The following NXPE4 variants were observed in gnomAD, a reference collection of about 807,000 sequenced individuals.
NXPE4 encodes the protein NXPE family member 4.
A neutral mutation model predicts 33.3 loss-of-function variants in NXPE4; 42 were observed. That is an observed-to-expected ratio of 1.26 (90% CI 0.98 to 1.63). The LOEUF (loss-of-function observed/expected upper bound fraction) is 1.63. Ranked by LOEUF, NXPE4 falls within the 40% of genes most tolerant of loss-of-function variation. NXPE4 has a pLI of 0.00. For missense variants in NXPE4, 709 were observed against 647.6 expected, an observed-to-expected ratio of 1.09 and a Z score of -1.03; for synonymous variants, 253 against 234.9, an observed-to-expected ratio of 1.08 and a Z score of -0.71.
the NXPE4 span, among the ~76,000 whole-genome samples, chr11:114,648,619 G>T: frequency 6.6e-6 from 1 of 152,068 alleles, no homozygotes; most frequent in East Asian, 1.9e-4. Context: ...ATTAATCATC[G>T]TGTCTACACT....
At chr11:114,618,614 AT>A in the NXPE4 span, among the ~76,000 whole-genome samples, 886 of 151,974 alleles carry the variant, frequency 5.8e-3, 4 homozygotes, top group African/African-American at 0.019. Context: ...GATAATAAGT[AT>A]TGCCTTGTGA....
chr11:114,597,100 T>A (rs1267688683), upstream of NXPE4, among the ~76,000 whole-genome samples: 1 of 88,636 alleles, frequency 1.1e-5, no homozygotes, highest in Non-Finnish European at 2.3e-5. Flanking sequence ...TGAATTGGGA[T>A]AATATTACTT....
the NXPE4 span, among the ~76,000 whole-genome samples, chr11:114,611,974 G>A: frequency 0.16 from 24,654 of 151,834 alleles, 2,099 homozygotes; most frequent in South Asian, 0.21. Context: ...TTGCCTCGTG[G>A]GTAACCACAG....
At chr11:114,583,200 C>A in intron 2 of NXPE4, 179 bp from the exon 3 acceptor site, 1 of 777,098 alleles carries the variant, frequency 1.3e-6, no homozygotes. Context: ...AATAAAAAGG[C>A]ATAGAATGGA....
At chr11:114,615,951 T>G in the NXPE4 span, among the ~76,000 whole-genome samples, 1 of 151,598 alleles carries the variant, frequency 6.6e-6, no homozygotes, top group Non-Finnish European at 1.5e-5. Context: ...GGGTAACCAC[T>G]GTTACCCATT....
At chr11:114,643,370 T>C in the NXPE4 span, among the ~76,000 whole-genome samples, 19 of 152,270 alleles carry the variant, frequency 1.2e-4, no homozygotes, top group Non-Finnish European at 1.2e-4. Flanking sequence ...GGTTTTCTTC[T>C]AGTGTTTTTA....
At chr11:114,651,149 T>C in the NXPE4 span, among the ~76,000 whole-genome samples, 1 of 152,202 alleles carries the variant, frequency 6.6e-6, no homozygotes, top group Non-Finnish European at 1.5e-5. Flanking sequence ...CAGTGGGTTC[T>C]TGGTCTCGCT....
At chr11:114,643,132 G>T in the NXPE4 span, among the ~76,000 whole-genome samples, 1 of 151,872 alleles carries the variant, frequency 6.6e-6, no homozygotes, top group Admixed American at 6.6e-5. Context: ...GTAAATTTAA[G>T]TTCTTTGTAG....
the NXPE4 span, among the ~76,000 whole-genome samples, chr11:114,629,015 T>C: frequency 2.0e-5 from 3 of 152,018 alleles, no homozygotes; most frequent in African/African-American, 7.2e-5. Flanking sequence ...GGCTCTGAAA[T>C]TGTGGCAATA....
intron 2 of NXPE4, among the ~76,000 whole-genome samples, chr11:114,587,995 CT>C (rs1949348041): frequency 6.6e-6 from 1 of 152,162 alleles, no homozygotes; most frequent in African/African-American, 2.4e-5. Flanking sequence ...GGTCAGAGGT[CT>C]CTTAGGTACA....
chr11:114,632,517 T>A, the NXPE4 span, among the ~76,000 whole-genome samples: 16 of 124,640 alleles, frequency 1.3e-4, no homozygotes, highest in African/African-American at 4.5e-4. Context: ...TTATTTTATA[T>A]TATATTTTGC....
the NXPE4 span, among the ~76,000 whole-genome samples, chr11:114,647,705 A>ATTT: frequency 6.8e-6 from 1 of 147,456 alleles, no homozygotes; most frequent in Non-Finnish European, 1.5e-5. Flanking sequence ...ATTTTATTTT[A>ATTT]TTTTTTTTTT....
the NXPE4 span, among the ~76,000 whole-genome samples, chr11:114,671,343 G>T: frequency 1.3e-5 from 2 of 151,766 alleles, no homozygotes; most frequent in Non-Finnish European, 2.9e-5. Flanking sequence ...GGAATTAGGA[G>T]AGGATAGGGA....
At chr11:114,674,983 C>T in the NXPE4 span, among the ~76,000 whole-genome samples, 1 of 151,706 alleles carries the variant, frequency 6.6e-6, no homozygotes, top group Admixed American at 6.6e-5. Context: ...CCCTTGGATG[C>T]AAGGATGGTT....
the NXPE4 span, among the ~76,000 whole-genome samples, chr11:114,663,458 T>C: frequency 6.6e-6 from 1 of 152,048 alleles, no homozygotes; most frequent in African/African-American, 2.4e-5. Flanking sequence ...TAGAAGGACA[T>C]GGTGGTGTCT....
chr11:114,676,086 T>A, the NXPE4 span, among the ~76,000 whole-genome samples: 1 of 151,534 alleles, frequency 6.6e-6, no homozygotes, highest in African/African-American at 2.4e-5. Flanking sequence ...TCACAACATA[T>A]AAAAAAAATC....
the NXPE4 span, among the ~76,000 whole-genome samples, chr11:114,635,530 C>T: frequency 1.3e-5 from 2 of 151,992 alleles, no homozygotes; most frequent in Non-Finnish European, 2.9e-5. Context: ...AGAGGGCATC[C>T]CTGTCTTGTG....
chr11:114,593,021 C>A (rs1949496978), intron 2 of NXPE4, among the ~76,000 whole-genome samples: 1 of 152,024 alleles, frequency 6.6e-6, no homozygotes, highest in Non-Finnish European at 1.5e-5. Context: ...ATACAAAACT[C>A]AGTTACAAAA....
chr11:114,613,440 T>A, the NXPE4 span, among the ~76,000 whole-genome samples: 7 of 151,628 alleles, frequency 4.6e-5, no homozygotes, highest in Admixed American at 2.0e-4. Flanking sequence ...GTGTTGCCTC[T>A]TGTGTAACCA....
Sources: gnomAD v4.1 joint callset for allele counts (sites outside exome capture counted in the v4.1 genomes callset) on GRCh38, gnomAD v4.1.1 for gene constraint, MANE v1.5 for transcripts, NCBI Gene and HGNC (gene_info 2026-07-23, HGNC 2026-07-21) for gene names.